The following NYAP2 variants were observed in gnomAD, a reference collection of about 807,000 sequenced individuals.
NYAP2 encodes neuronal tyrosine-phosphorylated phosphoinositide-3-kinase adaptor 2, also known as neuronal tyrosine-phosphorylated phosphoinositide-3-kinase adapter 2.
Under a neutral mutation model 50.4 loss-of-function variants are expected in NYAP2, and 23 were observed. That is an observed-to-expected ratio of 0.46 (90% CI 0.33 to 0.65). NYAP2 has a LOEUF of 0.65. Among genes scored for constraint, NYAP2 ranks in the 30% least tolerant of loss-of-function variants. The pLI is 0.02. For synonymous variants in NYAP2, 394 were observed against 365.2 expected (o/e 1.08, Z -0.90); for missense variants, 885 against 861.0 (o/e 1.03, Z -0.35).
intron 3 of NYAP2, among the ~76,000 whole-genome samples, chr2:225,438,193 TG>T (rs1392974747): frequency 6.6e-6 from 1 of 152,240 alleles, no homozygotes; most frequent in Non-Finnish European, 1.5e-5. Flanking sequence ...CTAGTAGATG[TG>T]TTGAAACTCC....
At chr2:225,651,405 A>G (rs772379001) in intron 6 of NYAP2, 27 bp from the exon 7 acceptor site, 2 of 1,613,710 alleles carry the variant, frequency 1.2e-6, no homozygotes, top group Admixed American at 1.7e-5. Context: ...GTCAGCTAAT[A>G]TTGTGTCTTT....
chr2:225,687,663 A>G, the NYAP2 span, among the ~76,000 whole-genome samples: 21 of 152,232 alleles, frequency 1.4e-4, no homozygotes, highest in Non-Finnish European at 1.3e-4. Context: ...ATATGTGTAA[A>G]TATGCATAGA....
intron 3 of NYAP2, among the ~76,000 whole-genome samples, chr2:225,415,657 G>A (rs72974533): frequency 0.013 from 1,980 of 152,164 alleles, 17 homozygotes; most frequent in Admixed American, 0.024. Flanking sequence ...AATATTATTA[G>A]ATTTGTTTTA....
intron 3 of NYAP2, among the ~76,000 whole-genome samples, chr2:225,441,665 A>G (rs1006394617): frequency 1.3e-5 from 2 of 152,132 alleles, no homozygotes; most frequent in Admixed American, 6.5e-5. Flanking sequence ...AAGCCATCAG[A>G]TTGCACAAGA....
intron 5 of NYAP2, among the ~76,000 whole-genome samples, chr2:225,617,668 G>A (rs1180659227): frequency 6.6e-6 from 1 of 152,008 alleles, no homozygotes; most frequent in Admixed American, 6.6e-5. Flanking sequence ...GTTTTTTATG[G>A]CCTATTAATA....
chr2:225,445,964 C>T (rs1019918622), intron 3 of NYAP2, among the ~76,000 whole-genome samples: 3 of 151,838 alleles, frequency 2.0e-5, no homozygotes, highest in African/African-American at 7.3e-5. Context: ...AACTGTAAAA[C>T]TAGTGTAAAA....
At chr2:225,602,006 C>T (rs1692700515) in intron 5 of NYAP2, among the ~76,000 whole-genome samples, 1 of 152,040 alleles carries the variant, frequency 6.6e-6, no homozygotes, top group African/African-American at 2.4e-5. Context: ...TGTCTCATGA[C>T]CAAGAAAATT....
chr2:225,493,283 G>A (rs915804981), intron 3 of NYAP2, among the ~76,000 whole-genome samples: 5 of 152,034 alleles, frequency 3.3e-5, no homozygotes, highest in African/African-American at 1.2e-4. Flanking sequence ...TACCACACCT[G>A]GCACATAGCA....
intron 3 of NYAP2, among the ~76,000 whole-genome samples, chr2:225,512,856 C>CTTTCTTTCTTT (rs1559200586): frequency 1.2e-5 from 1 of 80,034 alleles, no homozygotes; most frequent in Non-Finnish European, 2.7e-5. Flanking sequence ...TTTCTTTCTT[C>CTTTCTTTCTTT]CTTCCTTCCT....
chr2:225,524,402 T>C (rs1415675606), intron 4 of NYAP2, among the ~76,000 whole-genome samples: 1 of 152,178 alleles, frequency 6.6e-6, no homozygotes, highest in Admixed American at 6.6e-5. Context: ...TGGCAGCTGA[T>C]TTGATGGTGC....
chr2:225,489,523 A>G (rs866756284), intron 3 of NYAP2, among the ~76,000 whole-genome samples: 14 of 152,122 alleles, frequency 9.2e-5, no homozygotes, highest in African/African-American at 3.1e-4. Context: ...ATTCACCTGT[A>G]GCTGGTAATT....
At chr2:225,536,751 G>A (rs964445311) in intron 4 of NYAP2, among the ~76,000 whole-genome samples, 1 of 151,482 alleles carries the variant, frequency 6.6e-6, no homozygotes, top group Non-Finnish European at 1.5e-5. Flanking sequence ...TGTCAAGTAG[G>A]AGGTCTTATT....
At chr2:225,661,279 A>G in the NYAP2 span, among the ~76,000 whole-genome samples, 6 of 152,194 alleles carry the variant, frequency 3.9e-5, no homozygotes, top group African/African-American at 1.4e-4. Context: ...TTCATTCAGA[A>G]TAATAAATAT....
chr2:225,470,326 G>A (rs1052294858), intron 3 of NYAP2, among the ~76,000 whole-genome samples: 1 of 151,984 alleles, frequency 6.6e-6, no homozygotes, highest in Non-Finnish European at 1.5e-5. Flanking sequence ...GTATGCATAT[G>A]CACTCACACC....
intron 4 of NYAP2, among the ~76,000 whole-genome samples, chr2:225,571,828 T>C (rs1157214346): frequency 6.6e-6 from 1 of 152,232 alleles, no homozygotes; most frequent in Non-Finnish European, 1.5e-5. Flanking sequence ...AATTTCTCCA[T>C]AGAAAATGGG....
intron 3 of NYAP2, among the ~76,000 whole-genome samples, chr2:225,488,982 G>C (rs928132642): frequency 6.6e-6 from 1 of 152,168 alleles, no homozygotes; most frequent in Non-Finnish European, 1.5e-5. Flanking sequence ...TACCAGCACA[G>C]CTTTGCTAAG....
intron 3 of NYAP2, among the ~76,000 whole-genome samples, chr2:225,426,437 A>G (rs555250765): frequency 6.6e-6 from 1 of 152,316 alleles, no homozygotes; most frequent in South Asian, 2.1e-4. Flanking sequence ...ACGTACCCAC[A>G]ACATGAGGGC....
intron 3 of NYAP2, among the ~76,000 whole-genome samples, chr2:225,487,419 G>A (rs1690320848): frequency 6.6e-6 from 1 of 151,870 alleles, no homozygotes; most frequent in Admixed American, 6.6e-5. Context: ...GAGTGCAGTG[G>A]CACAATCTTG....
chr2:225,627,022 T>G (rs1209728427), exon 6 of NYAP2: 5 of 1,594,594 alleles, frequency 3.1e-6, no homozygotes, highest in Non-Finnish European at 4.3e-6. Context: ...AGAGAGCCTG[T>G]CAAAGCTCAG....
Sources: gnomAD v4.1 joint callset for allele counts (sites outside exome capture counted in the v4.1 genomes callset) on GRCh38, gnomAD v4.1.1 for gene constraint, MANE v1.5 for transcripts, NCBI Gene and HGNC (gene_info 2026-07-23, HGNC 2026-07-21) for gene names.